Variants in ALS2 observed in about 807,000 individuals in gnomAD.
ALS2 encodes the protein alsin.
In ALS2, 117 loss-of-function variants were observed where a neutral mutation model predicts 203.4. That is an observed-to-expected ratio of 0.58 (90% CI 0.50 to 0.67). The LOEUF is 0.67. Among genes scored for constraint, ALS2 ranks in the 30% least tolerant of loss-of-function variants. ALS2 has a pLI of 0.00. For synonymous variants in ALS2, 718 were observed against 725.9 expected (o/e 0.99, Z 0.17); for missense variants, 1,715 against 1,989.4 (o/e 0.86, Z 2.62).
chr2:201,758,068 G>C (rs1226620441), intron 4 of ALS2, among the ~76,000 whole-genome samples: 1 of 152,134 alleles, frequency 6.6e-6, no homozygotes, highest in African/African-American at 2.4e-5. Flanking sequence ...AAAAGGGAGG[G>C]AGAAGAAAAG....
chr2:201,712,629 C>T (rs543279979), intron 25 of ALS2, among the ~76,000 whole-genome samples: 1 of 151,948 alleles, frequency 6.6e-6, no homozygotes, highest in South Asian at 2.1e-4. Flanking sequence ...AAGAAAGTCA[C>T]AGTTAATTAG....
chr2:201,759,664 TA>T (rs977228851), intron 4 of ALS2: 347 of 984,806 alleles, frequency 3.5e-4, no homozygotes, highest in Non-Finnish European at 3.9e-4. Context: ...TTGATTTTTT[TA>T]AAAATTCAAA....
intron 4 of ALS2, 24 bp downstream of exon 4, chr2:201,760,857 T>TA (rs1474751520): frequency 8.1e-6 from 13 of 1,604,076 alleles, no homozygotes; most frequent in Non-Finnish European, 1.1e-5. Context: ...GACACACTTT[T>TA]ATTTTATAAA....
chr2:201,760,043 C>T (rs189978067), intron 4 of ALS2: 2 of 977,366 alleles, frequency 2.0e-6, no homozygotes, highest in East Asian at 1.1e-4. Context: ...ATAAAATAGG[C>T]TGGGCATGAT....
At chr2:201,780,584 A>C (rs2106124192) in intron 1 of ALS2, among the ~76,000 whole-genome samples, 1 of 152,342 alleles carries the variant, frequency 6.6e-6, no homozygotes. Flanking sequence ...AATTTCACGC[A>C]GCTGAGACCA....
chr2:201,763,903 CATATGACCAGAG>C (rs963439717), intron 3 of ALS2, among the ~76,000 whole-genome samples: 79 of 152,272 alleles, frequency 5.2e-4, no homozygotes, highest in African/African-American at 1.8e-3. Flanking sequence ...CTTTCTTTTC[CATATGACCAGAG>C]ATTTATGATT....
chr2:201,733,961 T>C (rs903485122), intron 12 of ALS2, among the ~76,000 whole-genome samples: 4 of 152,154 alleles, frequency 2.6e-5, no homozygotes, highest in Admixed American at 2.6e-4. Context: ...AATAAAAAGC[T>C]GCAAGAACTA....
At chr2:201,735,261 CAG>C (rs1389189215) in intron 12 of ALS2, among the ~76,000 whole-genome samples, 1 of 151,926 alleles carries the variant, frequency 6.6e-6, no homozygotes, top group Non-Finnish European at 1.5e-5. Context: ...GAGTTTTTCT[CAG>C]AGATAATGAA....
chr2:201,718,253 T>C (rs199626208), intron 23 of ALS2, 43 bp from the exon 24 acceptor site: 4 of 1,577,546 alleles, frequency 2.5e-6, no homozygotes, highest in East Asian at 4.5e-5. Context: ...AGAGGAAATA[T>C]ATTCAATATT....
At chr2:201,753,812 A>C (rs1693217698) in intron 6 of ALS2, among the ~76,000 whole-genome samples, 1 of 152,134 alleles carries the variant, frequency 6.6e-6, no homozygotes, top group Admixed American at 6.5e-5. Flanking sequence ...AACAAAAAAA[A>C]CTGTTGGCTC....
intron 33 of ALS2, among the ~76,000 whole-genome samples, chr2:201,703,766 A>G (rs1005148496): frequency 6.6e-6 from 1 of 152,198 alleles, no homozygotes; most frequent in African/African-American, 2.4e-5. Flanking sequence ...TCTGTGTTTT[A>G]CCCTGTTCCA....
intron 1 of ALS2, among the ~76,000 whole-genome samples, chr2:201,771,387 T>C (rs1335717179): frequency 1.3e-5 from 2 of 152,142 alleles, no homozygotes; most frequent in Non-Finnish European, 2.9e-5. Flanking sequence ...TGGTGTTTAA[T>C]ATGTTTGACA....
intron 3 of ALS2, chr2:201,765,547 AC>A (rs1281491551): frequency 1.2e-5 from 2 of 167,118 alleles, no homozygotes; most frequent in Non-Finnish European, 2.9e-5. Flanking sequence ...TTTATCCCAT[AC>A]AACCACCAGG....
At chr2:201,762,423 A>G (rs942728293) in intron 3 of ALS2, among the ~76,000 whole-genome samples, 1 of 152,226 alleles carries the variant, frequency 6.6e-6, no homozygotes, top group Non-Finnish European at 1.5e-5. Context: ...GAGATGTTAC[A>G]TAAATATACA....
chr2:201,773,979 G>C (rs1694540881), intron 1 of ALS2, among the ~76,000 whole-genome samples: 1 of 152,334 alleles, frequency 6.6e-6, no homozygotes, highest in East Asian at 1.9e-4. Flanking sequence ...AATCTCAGTG[G>C]TTTGTTTGGG....
chr2:201,770,916 C>T (rs1574805541), intron 1 of ALS2, among the ~76,000 whole-genome samples: 1 of 152,248 alleles, frequency 6.6e-6, no homozygotes, highest in South Asian at 2.1e-4. Context: ...TTTCAGCCCA[C>T]AGAACTTGAA....
At position 201,701,835 on chromosome 2, in the gene ALS2, C is replaced by T. The variant is rs1689409048; in HGVS notation, c.*16G>A. The T allele has an allele frequency of 6.2e-7, 1 of 1,613,198 alleles. No individual in the cohort carries two copies. Among genetic ancestry groups the T allele is most frequent in the Non-Finnish European group, 8.5e-7 (1 of 1,179,346 alleles). ...ACTCTGTAGTAGATAATCCAGTTTT[C>T]AAGCTGTTATGCAGCCTAGTTAAGC... is the stretch of plus-strand genomic sequence containing the variant. On this transcript the variant is annotated 3_prime_UTR_variant, in exon 34 of 34. Transcript: ENST00000264276.
At position 201,704,120 on chromosome 2, in the gene ALS2, A is replaced by C; in HGVS notation, c.4935+2T>G. The C allele has an allele frequency of 6.2e-7, 1 of 1,605,536 alleles. No individual in the cohort carries two copies. Among genetic ancestry groups the C allele is most frequent in the East Asian group, 2.2e-5 (1 of 44,812 alleles). ...AAAGTATTAAATAATAACTATACTC[A>C]CCTTCAAGGTGGTGAACATTATACC... On this transcript the variant is annotated splice_donor_variant, in intron 33 of 33. Transcript: ENST00000264276. LOFTEE classifies it high-confidence loss of function.
At chr2:201,763,076 C>T (rs1693850900) in intron 3 of ALS2, 1 of 175,418 alleles carries the variant, frequency 5.7e-6, no homozygotes, top group Non-Finnish European at 1.2e-5. Context: ...GGCCAGCACA[C>T]CAGATTCCAG....
Sources: allele counts gnomAD v4.1 joint callset (sites outside exome capture counted in the v4.1 genomes callset), GRCh38; gene constraint gnomAD v4.1.1; transcripts MANE v1.5; gene names NCBI Gene and HGNC (gene_info 2026-07-23, HGNC 2026-07-21).